NUP54: variants seen among roughly 807,000 people sequenced by gnomAD.
NUP54 encodes the protein nucleoporin p54.
NUP54 carries 27 observed loss-of-function variants against 66.4 expected under a neutral mutation model. That is an observed-to-expected ratio of 0.41 (90% CI 0.30 to 0.56). The LOEUF (loss-of-function observed/expected upper bound fraction) is 0.56, where lower values mean the gene tolerates loss of function less well. Among genes scored for constraint, NUP54 ranks in the 20% least tolerant of loss-of-function variants. NUP54 has a pLI of 0.34. For synonymous variants in NUP54, 206 were observed against 210.7 expected (o/e 0.98, Z 0.19); for missense variants, 486 against 596.3 (o/e 0.82, Z 1.93).
At chr4:76,121,006 C>T (rs1730211471) in intron 9 of NUP54, among the ~76,000 whole-genome samples, 1 of 152,122 alleles carries the variant, frequency 6.6e-6, no homozygotes, top group Non-Finnish European at 1.5e-5. Flanking sequence ...GTATCTTTTG[C>T]TACACAATTT....
chr4:76,124,632 A>G lies in NUP54; in HGVS notation c.1164+17T>C, dbSNP rs538085406. ...CATAGTCTTATAAACACTGGGGGGG[A>G]AAATCCAAATTACTACCTGTAAAGT... On this transcript the variant is annotated intron_variant, in intron 9 of 11. Coordinates refer to ENST00000264883, the MANE Select transcript of NUP54 (RefSeq NM_017426.4). The G allele has an allele frequency of 7.4e-5, 93 of 1,249,102 alleles. No individual in the cohort carries two copies. Among genetic ancestry groups the G allele is most frequent in the Middle Eastern group, 3.8e-4 (2 of 5,238 alleles). 77.4% of individuals were successfully genotyped at this position (1,249,102 alleles called of 1,614,324 possible). A position where few individuals can be genotyped will look rare whatever the true frequency, so the allele number is the denominator to read the frequency against.
intron 8 of NUP54, among the ~76,000 whole-genome samples, chr4:76,129,856 G>A (rs1354716647): frequency 1.4e-5 from 1 of 71,866 alleles, no homozygotes; most frequent in Admixed American, 2.2e-4. Flanking sequence ...CAGAGCGAGA[G>A]ACGTCTCAAA....
intron 9 of NUP54, chr4:76,118,445 G>A (rs1730057273): frequency 2.5e-6 from 1 of 392,934 alleles, no homozygotes; most frequent in Non-Finnish European, 4.7e-6. Context: ...AAGTGCAGTG[G>A]CGTAAACACA....
intron 3 of NUP54, among the ~76,000 whole-genome samples, chr4:76,140,219 G>C (rs1731208662): frequency 6.8e-6 from 1 of 147,794 alleles, no homozygotes; most frequent in Non-Finnish European, 1.5e-5. Context: ...GATAGAGGGA[G>C]AAAAAAAATA....
intron 9 of NUP54, among the ~76,000 whole-genome samples, chr4:76,122,897 A>G (rs879330942): frequency 6.6e-6 from 1 of 152,252 alleles, no homozygotes. Context: ...CTGAAGTACT[A>G]TTACATGGTA....
At chr4:76,143,177 C>T (rs1731338060) in intron 3 of NUP54, among the ~76,000 whole-genome samples, 1 of 152,106 alleles carries the variant, frequency 6.6e-6, no homozygotes, top group Non-Finnish European at 1.5e-5. Context: ...ATGTACGCCC[C>T]AGATCTAACC....
intron 1 of NUP54, chr4:76,145,643 G>A (rs1216068206): frequency 3.7e-6 from 4 of 1,067,012 alleles, no homozygotes; most frequent in Non-Finnish European, 5.0e-6. Flanking sequence ...TGTTATTTTT[G>A]TAACTTATTG....
At chr4:76,147,472 T>C (rs934979198) in intron 1 of NUP54, 1 of 1,289,024 alleles carries the variant, frequency 7.8e-7, no homozygotes, top group South Asian at 1.2e-5. Flanking sequence ...CAACCCGCAG[T>C]ATCTACCTGC....
Position 76,144,442 on chromosome 4 carries a change from T to G in NUP54, c.99A>C (p.Thr33=). Residue 33 remains threonine (T), a synonymous_variant, in exon 2 of 12, where the codon ACA becomes ACC. Coordinates refer to ENST00000264883, the MANE Select transcript of NUP54 (RefSeq NM_017426.4). ...AAAAGCTGAATGCAGAACCTGCAGT[T>G]GTAGATGTTGTCCCAAATCCTCCAA... ...GGFGGFGTTS[T]TAGSAFSFSA... 4 of 1,607,600 alleles carry G rather than the reference T, an allele frequency of 2.5e-6. No individual in the cohort carries two copies. The highest frequency in any genetic ancestry group is 3.4e-6 in the Non-Finnish European group (4 of 1,178,334).
chr4:76,121,758 T>C (rs1730247693), intron 9 of NUP54, among the ~76,000 whole-genome samples: 1 of 152,246 alleles, frequency 6.6e-6, no homozygotes, highest in Admixed American at 6.5e-5. Context: ...ATTCCTATTT[T>C]ACAGTTTTGT....
At chr4:76,116,053 G>A (rs1012616664) in intron 11 of NUP54, among the ~76,000 whole-genome samples, 16 of 152,112 alleles carry the variant, frequency 1.1e-4, no homozygotes, top group Admixed American at 6.6e-4. Context: ...GAAACTACAG[G>A]TAAATAACCT....
intron 3 of NUP54, among the ~76,000 whole-genome samples, chr4:76,138,639 C>T (rs897587758): frequency 6.6e-6 from 1 of 152,100 alleles, no homozygotes; most frequent in South Asian, 2.1e-4. Context: ...TCTGGGAGTA[C>T]TAAATAAGGG....
chr4:76,116,522 C>T (rs1159870026), intron 11 of NUP54, among the ~76,000 whole-genome samples: 1 of 152,156 alleles, frequency 6.6e-6, no homozygotes, highest in Non-Finnish European at 1.5e-5. Context: ...TAAGCCAAAG[C>T]AGTGTTTCCC....
At chr4:76,123,358 A>G (rs1730315292) in intron 9 of NUP54, among the ~76,000 whole-genome samples, 1 of 152,012 alleles carries the variant, frequency 6.6e-6, no homozygotes, top group Non-Finnish European at 1.5e-5. Flanking sequence ...GGCCTTTTTC[A>G]TGTTTCATCT....
intron 8 of NUP54, among the ~76,000 whole-genome samples, chr4:76,127,944 T>A (rs973833358): frequency 5.9e-5 from 9 of 152,156 alleles, no homozygotes; most frequent in Non-Finnish European, 1.2e-4. Flanking sequence ...GGGGCAGCTA[T>A]TTGGGAACTC....
At chr4:76,133,536 T>C (rs1313635664) in intron 5 of NUP54, among the ~76,000 whole-genome samples, 1 of 152,090 alleles carries the variant, frequency 6.6e-6, no homozygotes. Context: ...CTCGATCTCC[T>C]GACCTCATGA....
intron 4 of NUP54, among the ~76,000 whole-genome samples, chr4:76,135,679 A>G (rs1691665944): frequency 6.6e-6 from 1 of 152,260 alleles, no homozygotes; most frequent in South Asian, 2.1e-4. Context: ...AAAATGCATT[A>G]CCAAATGGAC....
At chr4:76,139,382 G>T (rs747993686) in intron 3 of NUP54, among the ~76,000 whole-genome samples, 1 of 152,050 alleles carries the variant, frequency 6.6e-6, no homozygotes, top group African/African-American at 2.4e-5. Context: ...AAAAGCAAAC[G>T]TCAAGTCCCT....
intron 3 of NUP54, 112 bp downstream of exon 3, chr4:76,144,037 G>A: frequency 9.3e-7 from 1 of 1,079,798 alleles, no homozygotes; most frequent in Non-Finnish European, 1.4e-6. Flanking sequence ...TAATCCTTTG[G>A]AATATATTAA....
Sources: gnomAD v4.1 joint callset for allele counts (sites outside exome capture counted in the v4.1 genomes callset) on GRCh38, gnomAD v4.1.1 for gene constraint, MANE v1.5 for transcripts, NCBI Gene and HGNC (gene_info 2026-07-23, HGNC 2026-07-21) for gene names.